CASQ2: variants seen among roughly 807,000 people sequenced by gnomAD.
CASQ2 encodes calsequestrin 2.
CASQ2 carries 49 observed loss-of-function variants against 46.5 expected under a neutral mutation model. The observed-to-expected ratio is 1.05, with a 90% CI of 0.84 to 1.34. The LOEUF is 1.34. CASQ2 is among the 40% of genes most tolerant of loss of function. The pLI is 0.00. For synonymous variants in CASQ2, 174 were observed against 168.5 expected, an observed-to-expected ratio of 1.03 and a Z score of -0.25; for missense variants, 486 against 481.3, an observed-to-expected ratio of 1.01 and a Z score of -0.09.
chr1:115,739,063 T>TAAAAAA (rs36062822), intron 3 of CASQ2, among the ~76,000 whole-genome samples: 2 of 140,364 alleles, frequency 1.4e-5, no homozygotes, highest in African/African-American at 5.1e-5. Flanking sequence ...TTTCTTTTTT[T>TAAAAAA]AAAAAAAAAA....
At chr1:115,738,057 C>T (rs774051297) in intron 4 of CASQ2, among the ~76,000 whole-genome samples, 167 bp downstream of exon 4, 8 of 152,182 alleles carry the variant, frequency 5.3e-5, no homozygotes, top group Non-Finnish European at 1.2e-4. Context: ...CTGTTTTGTA[C>T]AATTTTTGCA....
intron 9 of CASQ2, among the ~76,000 whole-genome samples, chr1:115,704,852 C>A (rs1654309708): frequency 2.0e-5 from 3 of 152,178 alleles, no homozygotes; most frequent in South Asian, 4.1e-4. Context: ...GAACGATGGT[C>A]CCCACCCAGA....
intron 1 of CASQ2, among the ~76,000 whole-genome samples, chr1:115,754,387 A>T (rs1648684536): frequency 6.6e-6 from 1 of 152,310 alleles, no homozygotes; most frequent in Admixed American, 6.5e-5. Context: ...CCAAGGGAAG[A>T]TGCTATGTAT....
chr1:115,729,305 G>A (rs1356215995), intron 5 of CASQ2, among the ~76,000 whole-genome samples: 4 of 151,666 alleles, frequency 2.6e-5, no homozygotes, highest in African/African-American at 4.8e-5. Context: ...CTCCCCCCTC[G>A]GCCTCCCAAA....
chr1:115,754,144 C>T (rs538505086), intron 1 of CASQ2, among the ~76,000 whole-genome samples: 2 of 152,090 alleles, frequency 1.3e-5, no homozygotes, highest in Admixed American at 6.5e-5. Context: ...CACTTTCTGC[C>T]GCCCTCAAAG....
At chr1:115,723,671 G>A (rs1647471437) in intron 7 of CASQ2, among the ~76,000 whole-genome samples, 1 of 151,928 alleles carries the variant, frequency 6.6e-6, no homozygotes, top group Non-Finnish European at 1.5e-5. Flanking sequence ...CAGAGTAGGT[G>A]GGACTACAGG....
In CASQ2 at chr1:115,746,873, G is replaced by C. The variant is rs1421792009; in HGVS notation, c.235-1961C>G. On this transcript the variant is annotated intron_variant, in intron 1 of 10. Coordinates refer to ENST00000261448, the MANE Select transcript of CASQ2 (RefSeq NM_001232.4). ...ATATAATGTATAGTGATCAGATCAG[G>C]GTAATTAGCATACCTGTCATTTCAA... Among the ~76,000 whole-genome samples the C allele has an allele frequency of 2.0e-5, 3 of 151,936 alleles. No individual in the cohort carries two copies. The East Asian group carries it at 5.8e-4, about 29-fold the overall frequency.
chr1:115,747,842 A>G (rs1648441262), intron 1 of CASQ2, among the ~76,000 whole-genome samples: 1 of 141,892 alleles, frequency 7.0e-6, no homozygotes, highest in South Asian at 2.3e-4. Flanking sequence ...TAGTTCTAAG[A>G]GGTTTTTGTT....
At chr1:115,740,648 G>T (rs770902146) in intron 3 of CASQ2, 80 bp downstream of exon 3, 19 of 929,518 alleles carry the variant, frequency 2.0e-5, no homozygotes, top group Non-Finnish European at 3.1e-5. Context: ...TCTCCAGCTT[G>T]TCCTTTCTTT....
intron 1 of CASQ2, among the ~76,000 whole-genome samples, chr1:115,767,394 A>G (rs1011439191): frequency 1.3e-4 from 20 of 152,170 alleles, no homozygotes; most frequent in African/African-American, 4.6e-4. Flanking sequence ...TGGGTTTTAT[A>G]TGATAATCCT....
chr1:115,764,110 A>C (rs1449700869), intron 1 of CASQ2, among the ~76,000 whole-genome samples: 1 of 152,230 alleles, frequency 6.6e-6, no homozygotes, highest in Non-Finnish European at 1.5e-5. Flanking sequence ...GAAAGAAAAA[A>C]TACATAAATG....
chr1:115,761,007 T>C (rs188288896), intron 1 of CASQ2, among the ~76,000 whole-genome samples: 1 of 152,240 alleles, frequency 6.6e-6, no homozygotes, highest in Non-Finnish European at 1.5e-5. Flanking sequence ...TCCTAATTCA[T>C]GGAGGTAGGA....
chr1:115,742,045 C>T (rs372635844), intron 2 of CASQ2, among the ~76,000 whole-genome samples: 3 of 151,946 alleles, frequency 2.0e-5, no homozygotes, highest in Non-Finnish European at 2.9e-5. Context: ...GCCAGGTATT[C>T]TTTTTGTTTG....
chr1:115,707,972 C>A (rs149541041), intron 8 of CASQ2, among the ~76,000 whole-genome samples: 9 of 152,280 alleles, frequency 5.9e-5, no homozygotes, highest in African/African-American at 2.2e-4. Flanking sequence ...TGACCCAGAA[C>A]TATAAGCTGA....
chr1:115,705,143 T>G, intron 9 of CASQ2, 49 bp downstream of exon 9: 182 of 1,147,742 alleles, frequency 1.6e-4, no homozygotes, highest in Non-Finnish European at 2.2e-4. Context: ...AACGCAATCA[T>G]GAGGTTGTGA....
chr1:115,707,450 G>A (rs578238611), intron 8 of CASQ2, among the ~76,000 whole-genome samples: 9 of 152,160 alleles, frequency 5.9e-5, no homozygotes, highest in Non-Finnish European at 1.2e-4. Flanking sequence ...GAGACTGACA[G>A]GGCCCTAAGC....
intron 8 of CASQ2, among the ~76,000 whole-genome samples, chr1:115,712,125 T>C (rs9428079): frequency 0.034 from 5,107 of 152,260 alleles, 290 homozygotes; most frequent in African/African-American, 0.12. Context: ...CAGCCCAGCA[T>C]CTGAACTGGA....
chr1:115,764,366 T>C (rs1570863103), intron 1 of CASQ2, among the ~76,000 whole-genome samples: 1 of 152,352 alleles, frequency 6.6e-6, no homozygotes, highest in East Asian at 1.9e-4. Context: ...ATAAATGGTA[T>C]AATTCCCAAT....
intron 8 of CASQ2, among the ~76,000 whole-genome samples, chr1:115,715,651 C>G (rs1260463716): frequency 1.3e-5 from 2 of 152,170 alleles, no homozygotes; most frequent in Non-Finnish European, 2.9e-5. Flanking sequence ...CTAAAAACCA[C>G]TGGAATCTTC....
Sources: gnomAD v4.1 joint callset for allele counts (sites outside exome capture counted in the v4.1 genomes callset) on GRCh38, gnomAD v4.1.1 for gene constraint, MANE v1.5 for transcripts, NCBI Gene and HGNC (gene_info 2026-07-23, HGNC 2026-07-21) for gene names.